Variants in HECTD4 observed in about 807,000 individuals in gnomAD.
HECTD4 encodes the protein HECT domain E3 ubiquitin protein ligase 4, also known as probable E3 ubiquitin-protein ligase HECTD4.
A neutral mutation model predicts 471.5 loss-of-function variants in HECTD4; 114 were observed. That is an observed-to-expected ratio of 0.24 (90% confidence interval 0.21 to 0.28). HECTD4 has a LOEUF of 0.28. Ranked by LOEUF, HECTD4 falls within the 10% of genes least tolerant of loss-of-function variation. HECTD4 has a pLI of 1.00. For synonymous variants in HECTD4, 2,012 were observed against 2,256.0 expected (o/e 0.89, Z 3.07); for missense variants, 3,866 against 5,651.5 (o/e 0.68, Z 10.13).
chr12:112,361,381 C>G (rs1269697811), intron 1 of HECTD4, among the ~76,000 whole-genome samples: 1 of 152,044 alleles, frequency 6.6e-6, no homozygotes, highest in Non-Finnish European at 1.5e-5. Flanking sequence ...GCGATCCTCC[C>G]ACCTCAGCCT....
chr12:112,162,415 T>C lies in HECTD4; in HGVS notation c.13229A>G (p.His4410Arg). ...GCCACTGAGGGGGTCTTCACGGTAGTGAATGGCACAACGAAGTTTCTCCAG... is the reference window on the plus strand; with the variant it reads ...GCCACTGAGGGGGTCTTCACGGTAGCGAATGGCACAACGAAGTTTCTCCAG... ...IMLEKLRCAIHYREDPLSG is the reference protein window; with the variant it reads ...IMLEKLRCAIRYREDPLSG Residue 4410 changes from histidine to arginine, a missense_variant, in exon 76 of 76, where the codon CAC becomes CGC. Transcript: ENST00000682272. This position sits in a 1 kb window ranked among gnomAD's most constrained non-coding sequence, Gnocchi z 5.2. The C allele has an allele frequency of 6.2e-7, 1 of 1,613,986 alleles. No homozygotes were observed.
At chr12:112,209,958 A>T (rs975187648) in intron 50 of HECTD4, 57 bp downstream of exon 50, 2 of 1,399,830 alleles carry the variant, frequency 1.4e-6, no homozygotes, top group Admixed American at 1.9e-5. Flanking sequence ...TATGGAATTC[A>T]TAACATTCAT....
rs1393586595 is a variant in HECTD4, at chr12:112,240,041, A to G, written c.4959-14T>C. 3.4e-5 allele frequency: 55 copies of G among 1,612,986 alleles called. No homozygotes were observed. The East Asian group carries it at 1.2e-3, about 35-fold the overall frequency. ...AGTTCTTCAATTCTGTGAAAGAGAAACCAAAGCTCAGGCTTCCTGAACCAT... is the reference window on the plus strand; with the variant it reads ...AGTTCTTCAATTCTGTGAAAGAGAAGCCAAAGCTCAGGCTTCCTGAACCAT... On this transcript the variant is annotated splice_polypyrimidine_tract_variant and intron_variant, in intron 32 of 75. Transcript: ENST00000682272.
intron 49 of HECTD4, among the ~76,000 whole-genome samples, chr12:112,210,759 C>G (rs1406366016): frequency 6.6e-6 from 1 of 152,230 alleles, no homozygotes; most frequent in Non-Finnish European, 1.5e-5. Context: ...CATACACATG[C>G]ATATTTATGT....
chr12:112,306,699 A>G lies in HECTD4; in HGVS notation c.1165-465T>C, dbSNP rs117822657. On this transcript the variant is annotated intron_variant, in intron 6 of 75. Coordinates refer to ENST00000682272, the MANE Select transcript of HECTD4 (RefSeq NM_001388303.1). ...AGTACCTAACGGAAAGCCTAACTCA[A>G]AGTTATTTAATGAATATGAAAAGAA... 4.4e-3 allele frequency among the ~76,000 whole-genome samples: 675 copies of G among 152,272 alleles called. 2 individuals carry two copies. The highest frequency in any genetic ancestry group is 6.2e-3 in the Non-Finnish European group (420 of 68,032).
intron 13 of HECTD4, among the ~76,000 whole-genome samples, chr12:112,267,642 T>C (rs1434205576): frequency 2.6e-5 from 4 of 152,172 alleles, no homozygotes; most frequent in African/African-American, 4.8e-5. Context: ...TGGTAAGCTA[T>C]GAAAAGTCAA....
chr12:112,265,849 C>G (rs2034256613), intron 15 of HECTD4, 29 bp downstream of exon 15: 1 of 1,516,892 alleles, frequency 6.6e-7, no homozygotes, highest in South Asian at 1.1e-5. Flanking sequence ...AACACAAAGG[C>G]TAGAAGTGAA....
At chr12:112,350,750 T>G (rs773337078) in intron 1 of HECTD4, among the ~76,000 whole-genome samples, 9 of 152,214 alleles carry the variant, frequency 5.9e-5, no homozygotes, top group Non-Finnish European at 8.8e-5. Flanking sequence ...AGACACACCC[T>G]CAATGTTCAT....
At chr12:112,305,967 C>T (rs753114139) in intron 7 of HECTD4, 97 bp downstream of exon 7, 37 of 1,123,112 alleles carry the variant, frequency 3.3e-5, no homozygotes, top group Non-Finnish European at 4.4e-5. Context: ...ACACACTATA[C>T]ACGCTGCAAG....
chr12:112,288,836 T>C (rs2034812612), intron 7 of HECTD4, among the ~76,000 whole-genome samples: 1 of 152,210 alleles, frequency 6.6e-6, no homozygotes, highest in Non-Finnish European at 1.5e-5. Flanking sequence ...GCTGCAGATG[T>C]GACTTCAGCT....
At chr12:112,363,380 G>A (rs2036494495) in intron 1 of HECTD4, among the ~76,000 whole-genome samples, 1 of 151,984 alleles carries the variant, frequency 6.6e-6, no homozygotes, top group Non-Finnish European at 1.5e-5. Context: ...TGGGATTACA[G>A]GCATGAGCCA....
intron 62 of HECTD4, among the ~76,000 whole-genome samples, chr12:112,182,470 CTT>C (rs2031712332): frequency 1.3e-5 from 2 of 151,752 alleles, no homozygotes; most frequent in African/African-American, 4.8e-5. Flanking sequence ...GAAAATGGGA[CTT>C]CGGAGAAAAA....
At chr12:112,196,582 G>A (rs1051131614) in intron 55 of HECTD4, among the ~76,000 whole-genome samples, 73 of 152,088 alleles carry the variant, frequency 4.8e-4, no homozygotes, top group African/African-American at 1.7e-3. Context: ...TACCAGGGAC[G>A]GAACTGTTTG....
rs2032157802 is a variant in HECTD4, at chr12:112,193,821, C to T, written c.8750-147G>A. 1 of 691,586 alleles carries T rather than the reference C, an allele frequency of 1.4e-6. No homozygotes were observed. Among genetic ancestry groups the T allele is most frequent in the East Asian group, 2.7e-5 (1 of 36,838 alleles). 42.8% of individuals were successfully genotyped at this position (691,586 alleles called of 1,614,324 possible). ...TGATGTCCTGGATAACAGATGCCGG[C>T]AATCAGATCCTCTGCACCAGGATGG... On this transcript the variant is annotated intron_variant, in intron 56 of 75. Coordinates refer to ENST00000682272, the MANE Select transcript of HECTD4 (RefSeq NM_001388303.1). The surrounding 1 kb of genome is among the most constrained non-coding windows in gnomAD (Gnocchi z 5.2).
rs2031131568 is a variant in HECTD4 at position 112,169,626 on chromosome 12, A to G, written c.12085T>C (p.Cys4029Arg). 1 of 1,613,500 alleles carries G rather than the reference A, an allele frequency of 6.2e-7. No homozygotes were observed. Among genetic ancestry groups the G allele is most frequent in the Non-Finnish European group, 8.5e-7 (1 of 1,179,890 alleles). Residue 4029 changes from cysteine to arginine, a missense_variant, in exon 70 of 76, where the codon TGT (cysteine) becomes CGT (arginine). Around this residue, in one of 16 missense-constraint regions of HECTD4, gnomAD observed 715 missense variants for 1,087.6 expected, o/e 0.66. Transcript: ENST00000682272. The part of the protein sequence containing the change: ...EIRASENSYF[C>R]QAARQLASVP... ...GAGGCCAGCTGCCTGGCAGCCTGACAGAAGTAGGAGTTTTCAGAAGCTCTG... is the reference window on the plus strand; with the variant it reads ...GAGGCCAGCTGCCTGGCAGCCTGACGGAAGTAGGAGTTTTCAGAAGCTCTG...
intron 1 of HECTD4, among the ~76,000 whole-genome samples, chr12:112,332,540 CAAAAAA>C (rs58503491): frequency 6.3e-5 from 4 of 63,022 alleles, no homozygotes; most frequent in African/African-American, 2.1e-4. Context: ...GACTCTGTCT[CAAAAAA>C]AAAAAAAAAA....
Position 112,193,807 on chromosome 12 carries a change from A to C in HECTD4, c.8750-133T>G. On this transcript the variant is annotated intron_variant, in intron 56 of 75. Coordinates refer to ENST00000682272, the MANE Select transcript of HECTD4 (RefSeq NM_001388303.1). This position sits in a 1 kb window ranked among gnomAD's most constrained non-coding sequence, Gnocchi z 5.2. ...GGTTATCCTGGATATGATGTCCTGGATAACAGATGCCGGCAATCAGATCCT... is the reference window on the plus strand; with the variant it reads ...GGTTATCCTGGATATGATGTCCTGGCTAACAGATGCCGGCAATCAGATCCT... 1 of 751,810 alleles carries C rather than the reference A, an allele frequency of 1.3e-6. No homozygotes were observed. Among genetic ancestry groups the C allele is most frequent in the East Asian group, 2.7e-5 (1 of 37,126 alleles). The allele number at this position is 751,810 out of a possible 1,614,324, so 46.6% of individuals were successfully genotyped here. A position where few individuals can be genotyped will look rare whatever the true frequency, so the allele number is the denominator to read the frequency against.
rs762893813 is a variant in HECTD4, at chr12:112,172,714, C to A, written c.11742G>T (p.Leu3914=). 1 of 1,613,882 alleles carries A rather than the reference C, an allele frequency of 6.2e-7. No homozygotes were observed. Among genetic ancestry groups the A allele is most frequent in the African/African-American group, 1.3e-5 (1 of 74,920 alleles). The change falls in exon 67 of 76, where the codon CTG becomes CTT. Residue 3914 remains leucine, a synonymous_variant. Transcript: ENST00000682272. ...TGGGGTCAGCAGCATCCGCGGGGTC[C>A]AGGTACACCTCATGGGGATGGAGCC... ...PARLHPHEVY[L]DPADAADPRV... is the part of the protein sequence containing the mutation.
chr12:112,313,072 A>G lies in HECTD4; in HGVS notation c.861T>C (p.Tyr287=). 2 of 1,535,942 alleles carry G rather than the reference A, an allele frequency of 1.3e-6. No individual in the cohort carries two copies. Among genetic ancestry groups the G allele is most frequent in the Non-Finnish European group, 1.7e-6 (2 of 1,146,786 alleles). Residue 287 remains tyrosine (Y), a synonymous_variant, in exon 4 of 76, where the codon TAT becomes TAC. Transcript: ENST00000682272. ...TATCCGGCGCAGGCAACATGTCTTC[A>G]TAACCCCATGATACTATGTGTTTGC... ...LGGKHIVSWG[Y]EDMLPAPDSN... is the part of the protein sequence containing the mutation.
Sources: gnomAD v4.1 joint callset for allele counts (sites outside exome capture counted in the v4.1 genomes callset) on GRCh38, gnomAD v4.1.1 for gene constraint, gnomAD v4.1.1 regional missense constraint, Gnocchi (gnomAD v3.1) non-coding constraint, MANE v1.5 for transcripts, NCBI Gene and HGNC (gene_info 2026-07-23, HGNC 2026-07-21) for gene names.